CRPPA: variants seen among roughly 807,000 people sequenced by gnomAD.
CRPPA encodes the protein CDP-L-ribitol pyrophosphorylase A.
CRPPA carries 43 observed loss-of-function variants against 52.0 expected under a neutral mutation model. The ratio of observed to expected loss-of-function variants is 0.83; its 90% confidence interval spans 0.65 to 1.07. The LOEUF (loss-of-function observed/expected upper bound fraction) is 1.07, where lower values mean the gene tolerates loss of function less well. CRPPA is among the 50% of genes least tolerant of loss of function. The pLI is 0.00. For synonymous variants in CRPPA, 250 were observed against 203.5 expected, an observed-to-expected ratio of 1.23 and a Z score of -1.94; for missense variants, 629 against 551.7, an observed-to-expected ratio of 1.14 and a Z score of -1.40.
At chr7:16,416,778 G>T (rs1219636140) in intron 1 of CRPPA, among the ~76,000 whole-genome samples, 1 of 151,942 alleles carries the variant, frequency 6.6e-6, no homozygotes, top group Non-Finnish European at 1.5e-5. Context: ...GGAGGTTGAG[G>T]CTGCAGTGAG....
intron 2 of CRPPA, among the ~76,000 whole-genome samples, chr7:16,402,310 T>G (rs1245816377): frequency 1.3e-5 from 2 of 152,182 alleles, no homozygotes; most frequent in South Asian, 2.1e-4. Flanking sequence ...AAGCCAAGAA[T>G]TAATGTAAAG....
At chr7:16,112,380 G>A (rs1235069996) in intron 9 of CRPPA, among the ~76,000 whole-genome samples, 2 of 151,732 alleles carry the variant, frequency 1.3e-5, no homozygotes, top group Non-Finnish European at 2.9e-5. Context: ...ACCATTAGTT[G>A]AACTAAGTTA....
chr7:16,216,547 G>A (rs1311497638), intron 8 of CRPPA: 1 of 224,486 alleles, frequency 4.5e-6, no homozygotes, highest in African/African-American at 2.4e-5. Context: ...ATCTCACTAG[G>A]GAGCGCCAGA....
At position 16,091,777 on chromosome 7, in the gene CRPPA, C is replaced by T. The variant is rs1337797656; in HGVS notation, c.1274G>A (p.Ser425Asn). The change falls in exon 10 of 10, where the codon AGT (serine) becomes AAT (asparagine). Residue 425 changes from serine (S) to asparagine (N), a missense_variant. Coordinates refer to ENST00000407010, the MANE Select transcript of CRPPA (RefSeq NM_001101426.4). ...AATAATGATAGCACCTTGCCTTAAA[C>T]TCTCCTGTAGCTTCTGATCATCCTG... is the stretch of plus-strand genomic sequence containing the variant. ...YPQDDQKLQE[S>N]LRQGAIIIAS... 1 of 1,547,350 alleles carries T rather than the reference C, an allele frequency of 6.5e-7. No individual in the cohort carries two copies. The highest frequency in any genetic ancestry group is 2.4e-5 in the East Asian group (1 of 42,012).
chr7:16,168,306 AAT>A (rs1781108402), intron 9 of CRPPA, among the ~76,000 whole-genome samples: 1 of 152,158 alleles, frequency 6.6e-6, no homozygotes, highest in Non-Finnish European at 1.5e-5. Flanking sequence ...GTGTTTTTTA[AAT>A]AGTTAATGTT....
chr7:16,400,364 A>C (rs932225008), intron 2 of CRPPA, among the ~76,000 whole-genome samples: 1 of 152,252 alleles, frequency 6.6e-6, no homozygotes, highest in Non-Finnish European at 1.5e-5. Flanking sequence ...ACACATGACC[A>C]ACACGTTTGT....
intron 9 of CRPPA, among the ~76,000 whole-genome samples, chr7:16,101,274 G>A (rs747781757): frequency 5.3e-5 from 8 of 152,128 alleles, no homozygotes; most frequent in Non-Finnish European, 1.0e-4. Context: ...CTGTGAATCT[G>A]TCTGGTCCTG....
intron 8 of CRPPA, among the ~76,000 whole-genome samples, chr7:16,220,818 T>C (rs1782477963): frequency 6.6e-6 from 1 of 152,116 alleles, no homozygotes; most frequent in Non-Finnish European, 1.5e-5. Flanking sequence ...TGGAAGAACA[T>C]TCCATGCTCA....
chr7:16,266,076 G>A (rs771892932), intron 6 of CRPPA, among the ~76,000 whole-genome samples: 28 of 152,188 alleles, frequency 1.8e-4, no homozygotes, highest in Non-Finnish European at 1.0e-4. Flanking sequence ...CCGGGGGAAG[G>A]GGTGTCGGGG....
Position 16,090,185 on chromosome 7 carries a change from A to G in CRPPA, c.*1510T>C, listed in dbSNP as rs1781805319. ...AGAGAGAAAAAGGGCAGGCCCAGGAATTTAGATACAAGCCTACATTCAAAT... is the reference window on the plus strand; with the variant it reads ...AGAGAGAAAAAGGGCAGGCCCAGGAGTTTAGATACAAGCCTACATTCAAAT... On this transcript the variant is annotated 3_prime_UTR_variant, in exon 10 of 10. Coordinates refer to ENST00000407010, the MANE Select transcript of CRPPA (RefSeq NM_001101426.4). 6.6e-6 allele frequency: 1 copy of G among 152,190 alleles called. No individual in the cohort carries two copies. The highest frequency in any genetic ancestry group is 2.4e-5 in the African/African-American group (1 of 41,448). 9.4% of individuals were successfully genotyped at this position (152,190 alleles called of 1,614,324 possible). A position where few individuals can be genotyped will look rare whatever the true frequency, so the allele number is the denominator to read the frequency against.
chr7:16,261,691 C>T (rs1197929157), intron 6 of CRPPA, among the ~76,000 whole-genome samples: 1 of 151,748 alleles, frequency 6.6e-6, no homozygotes, highest in Non-Finnish European at 1.5e-5. Context: ...TCATACTTTC[C>T]CTCACAGATC....
At chr7:16,283,680 A>C (rs1197382317) in intron 5 of CRPPA, among the ~76,000 whole-genome samples, 1 of 151,470 alleles carries the variant, frequency 6.6e-6, no homozygotes, top group South Asian at 2.1e-4. Flanking sequence ...CAATAGGAGG[A>C]TGGTGAGTTT....
intron 3 of CRPPA, among the ~76,000 whole-genome samples, chr7:16,345,467 G>A (rs549314631): frequency 1.7e-4 from 26 of 152,206 alleles, no homozygotes; most frequent in Admixed American, 1.6e-3. Flanking sequence ...TCATATAAAT[G>A]TACTTTTGGT....
chr7:16,142,874 A>G (rs910388311), intron 9 of CRPPA, among the ~76,000 whole-genome samples: 1 of 152,166 alleles, frequency 6.6e-6, no homozygotes, highest in Non-Finnish European at 1.5e-5. Flanking sequence ...TTCATGTCCA[A>G]ATAAAGTTTG....
intron 1 of CRPPA, among the ~76,000 whole-genome samples, chr7:16,408,818 G>A (rs1007548653): frequency 2.0e-5 from 3 of 152,308 alleles, no homozygotes; most frequent in East Asian, 1.9e-4. Context: ...AAAGGAGGTC[G>A]CAGGAGAGTC....
intron 3 of CRPPA, among the ~76,000 whole-genome samples, chr7:16,337,334 T>C (rs78914186): frequency 0.026 from 4,018 of 152,012 alleles, 205 homozygotes; most frequent in African/African-American, 0.092. Flanking sequence ...TAGACATATG[T>C]GGAAATTAAG....
intron 3 of CRPPA, among the ~76,000 whole-genome samples, chr7:16,363,809 C>G (rs1387118708): frequency 6.6e-6 from 1 of 152,136 alleles, no homozygotes; most frequent in Non-Finnish European, 1.5e-5. Flanking sequence ...ACAATACAAT[C>G]ATGGGAGTAG....
chr7:16,128,319 G>C lies in CRPPA; in HGVS notation c.1252-36520C>G, dbSNP rs376054073. 1.8e-3 allele frequency among the ~76,000 whole-genome samples: 276 copies of C among 152,084 alleles called. 12 individuals are homozygous for C. In the South Asian group the frequency reaches 0.056, roughly 31 times the overall value. On this transcript the variant is annotated intron_variant, in intron 9 of 9. Transcript: ENST00000407010. ...AGTATTACTTGAGAAAAAAAATAAA[G>C]ATGTAATTTTATAATTTAAAAAAAT...
intron 9 of CRPPA, among the ~76,000 whole-genome samples, chr7:16,097,255 G>A (rs373902017): frequency 2.0e-5 from 3 of 152,202 alleles, no homozygotes; most frequent in South Asian, 4.1e-4. Context: ...AACAAAAAAA[G>A]TGTACTTAAT....
Sources: gnomAD v4.1 joint callset for allele counts (sites outside exome capture counted in the v4.1 genomes callset) on GRCh38, gnomAD v4.1.1 for gene constraint, MANE v1.5 for transcripts, NCBI Gene and HGNC (gene_info 2026-07-23, HGNC 2026-07-21) for gene names.